GULP1: variants seen among roughly 807,000 people sequenced by gnomAD.
The protein encoded by GULP1 is PTB domain-containing engulfment adapter protein 1.
Under a neutral mutation model 40.9 loss-of-function variants are expected in GULP1, and 19 were observed. The ratio of observed to expected loss-of-function variants is 0.46; its 90% CI spans 0.32 to 0.68. The LOEUF (loss-of-function observed/expected upper bound fraction) is 0.68, where lower values mean the gene tolerates loss of function less well. GULP1 is among the 30% of genes least tolerant of loss of function. The probability of loss-of-function intolerance (pLI) is 0.03; values close to 1 mark genes in which losing one functional copy is unlikely to be tolerated. For synonymous variants in GULP1, 119 were observed against 117.6 expected (o/e 1.01, Z -0.08); for missense variants, 312 against 362.2 (o/e 0.86, Z 1.12).
Position 188,496,321 on chromosome 2 carries a change from T to C in GULP1, c.90+12829T>C, listed in dbSNP as rs945430913. ...ATTTCCAAGAAATGCCACACCACTT[T>C]CTTGGTTACATGTCTGTTTTTATTG... On this transcript the variant is annotated intron_variant, in intron 4 of 11. Transcript: ENST00000409830. Among the ~76,000 whole-genome samples, 4 of 152,202 alleles carry C rather than the reference T, an allele frequency of 2.6e-5. No homozygotes were observed. The East Asian group carries it at 7.8e-4, about 29-fold the overall frequency.
chr2:188,484,528 TA>T (rs1181012912), intron 4 of GULP1, among the ~76,000 whole-genome samples: 2 of 152,102 alleles, frequency 1.3e-5, no homozygotes, highest in Non-Finnish European at 2.9e-5. Context: ...GGAGACAGAA[TA>T]GGGGAAAACA....
At chr2:188,348,741 A>G (rs190424306) in intron 1 of GULP1, among the ~76,000 whole-genome samples, 1 of 152,294 alleles carries the variant, frequency 6.6e-6, no homozygotes, top group Non-Finnish European at 1.5e-5. Flanking sequence ...CAGTGGTAAC[A>G]TCTTACCTGA....
chr2:188,463,564 G>C (rs2152973882), intron 2 of GULP1, among the ~76,000 whole-genome samples: 1 of 152,120 alleles, frequency 6.6e-6, no homozygotes, highest in East Asian at 1.9e-4. Context: ...CTAGGTTTAG[G>C]AAGTTCGCTG....
intron 4 of GULP1, among the ~76,000 whole-genome samples, chr2:188,508,922 G>A (rs959295035): frequency 1.3e-5 from 2 of 151,846 alleles, no homozygotes; most frequent in African/African-American, 4.8e-5. Context: ...AAGTACAGGG[G>A]ACATCTATCT....
chr2:188,364,323 G>A (rs899359412), intron 1 of GULP1, among the ~76,000 whole-genome samples: 6 of 152,200 alleles, frequency 3.9e-5, no homozygotes, highest in Admixed American at 3.9e-4. Context: ...TAGGTGAAAG[G>A]AGGTCTGTGG....
At chr2:188,376,317 C>T (rs1178052242) in intron 1 of GULP1, among the ~76,000 whole-genome samples, 1 of 152,112 alleles carries the variant, frequency 6.6e-6, no homozygotes, top group South Asian at 2.1e-4. Flanking sequence ...GCTTTAATGC[C>T]TTTGTATCAA....
chr2:188,339,670 G>T lies in GULP1; in HGVS notation c.-171-44093G>T, dbSNP rs529332633. Among the ~76,000 whole-genome samples the T allele has an allele frequency of 3.9e-5, 6 of 152,092 alleles. No individual in the cohort carries two copies. The East Asian group carries it at 1.2e-3, about 29-fold the overall frequency. ...AGCCAATTAAACCTGTTAAACTAAG[G>T]TTTCAAAATAACCATCATTCTAGGT... On this transcript the variant is annotated intron_variant, in intron 1 of 11. Transcript: ENST00000409830.
chr2:188,341,068 A>G (rs1204677722), intron 1 of GULP1, among the ~76,000 whole-genome samples: 1 of 152,100 alleles, frequency 6.6e-6, no homozygotes, highest in Non-Finnish European at 1.5e-5. Flanking sequence ...TTGAATGGGA[A>G]AACAGGAATG....
At chr2:188,571,486 C>G (rs541280654) in intron 9 of GULP1, among the ~76,000 whole-genome samples, 2 of 152,224 alleles carry the variant, frequency 1.3e-5, no homozygotes, top group African/African-American at 4.8e-5. Flanking sequence ...CAGTAGGGCT[C>G]CTATGGCCTT....
chr2:188,358,440 T>C (rs999091211), intron 1 of GULP1, among the ~76,000 whole-genome samples: 1 of 152,060 alleles, frequency 6.6e-6, no homozygotes, highest in African/African-American at 2.4e-5. Flanking sequence ...AGGGTGAATA[T>C]AGCTAACAAC....
chr2:188,581,617 A>T (rs1701344987), intron 9 of GULP1, among the ~76,000 whole-genome samples: 1 of 152,058 alleles, frequency 6.6e-6, no homozygotes, highest in Non-Finnish European at 1.5e-5. Context: ...GACCTAGTAC[A>T]CTGCTTGCTT....
At chr2:188,369,109 T>C (rs1232638440) in intron 1 of GULP1, among the ~76,000 whole-genome samples, 2 of 150,786 alleles carry the variant, frequency 1.3e-5, no homozygotes, top group East Asian at 3.9e-4. Context: ...TACAGGTGCA[T>C]GCCACCACAC....
At chr2:188,536,608 G>A (rs868566073) in intron 6 of GULP1, among the ~76,000 whole-genome samples, 25 of 151,686 alleles carry the variant, frequency 1.6e-4, no homozygotes, top group African/African-American at 5.6e-4. Flanking sequence ...TACAGTCATC[G>A]GGTAATGTGA....
intron 7 of GULP1, among the ~76,000 whole-genome samples, chr2:188,551,021 C>A (rs1426419803): frequency 6.6e-6 from 1 of 151,436 alleles, no homozygotes; most frequent in Non-Finnish European, 1.5e-5. Flanking sequence ...TGACAACAAG[C>A]AGGAGTGACC....
At chr2:188,378,920 A>G (rs1019070597) in intron 1 of GULP1, among the ~76,000 whole-genome samples, 3 of 152,088 alleles carry the variant, frequency 2.0e-5, no homozygotes, top group Admixed American at 2.0e-4. Flanking sequence ...GTGTCTAAAT[A>G]TTATCTTTTA....
intron 2 of GULP1, among the ~76,000 whole-genome samples, chr2:188,405,104 T>C (rs1467556212): frequency 1.3e-5 from 2 of 152,034 alleles, no homozygotes; most frequent in African/African-American, 4.8e-5. Context: ...GGACCTAGGC[T>C]CCAGAACTGC....
chr2:188,324,814 T>C (rs1474107044), intron 1 of GULP1, among the ~76,000 whole-genome samples: 1 of 151,836 alleles, frequency 6.6e-6, no homozygotes, highest in East Asian at 1.9e-4. Flanking sequence ...AGACACATCA[T>C]GATAAAACTA....
chr2:188,369,858 T>A (rs1163725188), intron 1 of GULP1, among the ~76,000 whole-genome samples: 1 of 152,132 alleles, frequency 6.6e-6, no homozygotes, highest in African/African-American at 2.4e-5. Flanking sequence ...GCATTTTTTT[T>A]AAGAGACGGA....
At chr2:188,593,032 G>C (rs1054457440) in intron 11 of GULP1, 1 of 152,028 alleles carries the variant, frequency 6.6e-6, no homozygotes, top group Non-Finnish European at 1.5e-5. Context: ...AGAGTATGTA[G>C]AGAGCACTAC....
Sources: gnomAD v4.1 joint callset for allele counts (sites outside exome capture counted in the v4.1 genomes callset) on GRCh38, gnomAD v4.1.1 for gene constraint, MANE v1.5 for transcripts, NCBI Gene and HGNC (gene_info 2026-07-23, HGNC 2026-07-21) for gene names.